The following SCOC variants were observed in gnomAD, a reference collection of about 807,000 sequenced individuals.
The protein encoded by SCOC is short coiled-coil protein, also known as short coiled coil protein.
A neutral mutation model predicts 9.9 loss-of-function variants in SCOC; 7 were observed. That is an observed-to-expected ratio of 0.71 (90% CI 0.40 to 1.33). The LOEUF (loss-of-function observed/expected upper bound fraction) is 1.33. SCOC is among the 40% of genes most tolerant of loss of function. The pLI, the probability that SCOC is intolerant of heterozygous loss-of-function variation, is 0.01. For missense variants in SCOC, 66 were observed against 89.7 expected, an observed-to-expected ratio of 0.74 and a Z score of 1.07; for synonymous variants, 19 against 28.2, an observed-to-expected ratio of 0.67 and a Z score of 1.03.
chr4:140,299,955 C>T (rs1731765226), intron 1 of SCOC, among the ~76,000 whole-genome samples: 1 of 152,192 alleles, frequency 6.6e-6, no homozygotes. Context: ...ACTAAGCCCA[C>T]TAATGGGGGT....
chr4:140,356,191 A>G (rs72716337), intron 2 of SCOC, among the ~76,000 whole-genome samples: 8,621 of 152,332 alleles, frequency 0.057, 296 homozygotes, highest in South Asian at 0.16. Flanking sequence ...TTTGCATTTT[A>G]TCCCTTATTT....
At chr4:140,262,329 G>A (rs956518990) in intron 1 of SCOC, among the ~76,000 whole-genome samples, 1 of 152,204 alleles carries the variant, frequency 6.6e-6, no homozygotes, top group Non-Finnish European at 1.5e-5. Context: ...GAAGATTGAG[G>A]AGAAACATTG....
At chr4:140,331,123 A>G (rs962538007) in intron 1 of SCOC, among the ~76,000 whole-genome samples, 1 of 152,154 alleles carries the variant, frequency 6.6e-6, no homozygotes, top group African/African-American at 2.4e-5. Context: ...TGCTTGGAAG[A>G]GTTTTTAATC....
At chr4:140,326,262 G>A (rs115282970) in intron 1 of SCOC, among the ~76,000 whole-genome samples, 320 of 152,150 alleles carry the variant, frequency 2.1e-3, no homozygotes, top group African/African-American at 7.5e-3. Context: ...ACTTGGGCAG[G>A]TGGATACATG....
chr4:140,338,018 T>C (rs1392516190), intron 1 of SCOC, among the ~76,000 whole-genome samples: 1 of 152,092 alleles, frequency 6.6e-6, no homozygotes, highest in Admixed American at 6.6e-5. Flanking sequence ...TAGACCAATA[T>C]CCCTGATGAA....
chr4:140,264,727 A>G (rs1169417468), intron 1 of SCOC, among the ~76,000 whole-genome samples: 1 of 152,204 alleles, frequency 6.6e-6, no homozygotes, highest in Admixed American at 6.5e-5. Flanking sequence ...TGAAAAACCT[A>G]ATATTATTGG....
At chr4:140,320,937 A>G (rs1578807357) in intron 1 of SCOC, among the ~76,000 whole-genome samples, 1 of 152,118 alleles carries the variant, frequency 6.6e-6, no homozygotes, top group African/African-American at 2.4e-5. Flanking sequence ...GATGCTTCGT[A>G]AGAATATAAG....
chr4:140,378,524 G>A (rs897396018), intron 1 of SCOC, among the ~76,000 whole-genome samples: 5 of 152,010 alleles, frequency 3.3e-5, no homozygotes, highest in South Asian at 2.1e-4. Flanking sequence ...GGGTCCAGGA[G>A]TTTAATACAG....
intron 1 of SCOC, among the ~76,000 whole-genome samples, chr4:140,259,720 T>G (rs1025367199): frequency 4.6e-5 from 7 of 152,124 alleles, no homozygotes; most frequent in African/African-American, 1.7e-4. Flanking sequence ...AAAAATTAAC[T>G]AGCTAAATAA....
rs563875180 is a variant in SCOC, at chr4:140,332,162, A to G, written c.-18-11459A>G. 2.0e-5 allele frequency among the ~76,000 whole-genome samples: 3 copies of G among 152,232 alleles called. No homozygotes were observed. In the East Asian group the frequency reaches 5.8e-4, roughly 29 times the overall value. ...CCTGCTACCAGGCCCCACCTCCAGC[A>G]CTGGGGATTACATTTCAACATGAGA... is the stretch of plus-strand genomic sequence containing the variant. On this transcript the variant is annotated intron_variant, in intron 1 of 4. Transcript: ENST00000394205.
At position 140,379,101 on chromosome 4, in the gene SCOC, C is replaced by T; in HGVS notation, c.-50-20C>T. 6.7e-7 allele frequency: 1 copy of T among 1,495,474 alleles called. No individual in the cohort carries two copies. Among genetic ancestry groups the T allele is most frequent in the South Asian group, 1.1e-5 (1 of 88,578 alleles). 92.6% of individuals were successfully genotyped at this position (1,495,474 alleles called of 1,614,324 possible). A position where few individuals can be genotyped will look rare whatever the true frequency, so the allele number is the denominator to read the frequency against. On this transcript the variant is annotated intron_variant, in intron 1 of 3. Transcript: ENST00000608372. ...TTTATTGCTGTATGTGTCTATATTTCTGAATTTTTCTTATTGTAGACCATT... is the reference window on the plus strand; with the variant it reads ...TTTATTGCTGTATGTGTCTATATTTTTGAATTTTTCTTATTGTAGACCATT...
At chr4:140,302,957 T>A (rs569828713) in intron 1 of SCOC, among the ~76,000 whole-genome samples, 2 of 149,616 alleles carry the variant, frequency 1.3e-5, no homozygotes, top group South Asian at 4.1e-4. Flanking sequence ...CAATTTTATG[T>A]TTGAAAAATT....
rs1728637542 is a variant in SCOC, at chr4:140,383,977, G to A, written c.*2873G>A. On this transcript the variant is annotated 3_prime_UTR_variant, in exon 4 of 4. Coordinates refer to ENST00000608372, the MANE Select transcript of SCOC (RefSeq NM_001153484.2). Reference sequence around the variant, plus strand: ...CTGGGTTCCTTTGGCTTAACGATTGGTAGAGAAGTCTTCATGGGCTTCCCC... The same window carrying A: ...CTGGGTTCCTTTGGCTTAACGATTGATAGAGAAGTCTTCATGGGCTTCCCC... 1 of 152,208 alleles carries A rather than the reference G, an allele frequency of 6.6e-6. No individual in the cohort carries two copies. 9.4% of individuals were successfully genotyped at this position (152,208 alleles called of 1,614,324 possible).
At chr4:140,299,024 C>T (rs574043578) in intron 1 of SCOC, among the ~76,000 whole-genome samples, 1 of 152,124 alleles carries the variant, frequency 6.6e-6, no homozygotes, top group Non-Finnish European at 1.5e-5. Flanking sequence ...CACTATGTTG[C>T]CCAGGCTGGT....
At chr4:140,378,419 A>T (rs1159490700) in intron 1 of SCOC, among the ~76,000 whole-genome samples, 2 of 151,770 alleles carry the variant, frequency 1.3e-5, no homozygotes, top group African/African-American at 4.9e-5. Context: ...AATTTTATAC[A>T]CATTTTTTCA....
At chr4:140,362,423 G>A (rs987963939) in intron 2 of SCOC, among the ~76,000 whole-genome samples, 1 of 144,222 alleles carries the variant, frequency 6.9e-6, no homozygotes, top group Non-Finnish European at 1.5e-5. Flanking sequence ...AGCCTCCCAA[G>A]TAGCTGAGAC....
rs111766925 is a variant in SCOC at position 140,297,921 on chromosome 4, A to G, written c.-19+40511A>G. Reference sequence around the variant, plus strand: ...GGTATCAATTTCATTCCACATATTCAGATGTGTCTGAAACATAATTCTTTG... The same window carrying G: ...GGTATCAATTTCATTCCACATATTCGGATGTGTCTGAAACATAATTCTTTG... On this transcript the variant is annotated intron_variant, in intron 1 of 4. Coordinates refer to the SCOC transcript ENST00000394205. Among the ~76,000 whole-genome samples the G allele has an allele frequency of 3.5e-4, 54 of 152,284 alleles. 1 individual carries two copies. The highest frequency in any genetic ancestry group is 2.4e-4 in the African/African-American group (10 of 41,548).
At chr4:140,374,601 A>G (rs1036385098) in intron 1 of SCOC, among the ~76,000 whole-genome samples, 5 of 152,228 alleles carry the variant, frequency 3.3e-5, no homozygotes, top group African/African-American at 1.2e-4. Context: ...ACAGATCTGA[A>G]CAGACATTAT....
upstream of SCOC, among the ~76,000 whole-genome samples, chr4:140,339,404 A>T (rs1319301300): frequency 1.3e-5 from 2 of 152,122 alleles, no homozygotes; most frequent in East Asian, 3.8e-4. Flanking sequence ...GGACTTCATG[A>T]CTAAAACACC....
Sources: allele counts gnomAD v4.1 joint callset (sites outside exome capture counted in the v4.1 genomes callset), GRCh38; gene constraint gnomAD v4.1.1; transcripts MANE v1.5; gene names NCBI Gene and HGNC (gene_info 2026-07-23, HGNC 2026-07-21).